The following LRPPRC variants were observed in gnomAD, a reference collection of about 807,000 sequenced individuals.
LRPPRC encodes leucine rich pentatricopeptide repeat containing.
A neutral mutation model predicts 180.3 loss-of-function variants in LRPPRC; 120 were observed. The ratio of observed to expected loss-of-function variants is 0.67; its 90% CI spans 0.57 to 0.77. The LOEUF (loss-of-function observed/expected upper bound fraction) is 0.77. Among genes scored for constraint, LRPPRC ranks in the 30% least tolerant of loss-of-function variants. The pLI is 0.00. For synonymous variants in LRPPRC, 723 were observed against 600.0 expected (o/e 1.21, Z -3.00); for missense variants, 2,012 against 1,657.2 (o/e 1.21, Z -3.72).
chr2:43,990,781 A>G (rs970386239), intron 1 of LRPPRC, among the ~76,000 whole-genome samples: 1 of 151,716 alleles, frequency 6.6e-6, no homozygotes, highest in Non-Finnish European at 1.5e-5. Flanking sequence ...TGATAAATCT[A>G]CACTCACAGA....
intron 31 of LRPPRC, chr2:43,903,434 G>A (rs1236289011): frequency 2.6e-5 from 4 of 152,186 alleles, no homozygotes; most frequent in African/African-American, 2.4e-5. Context: ...GCAGAACAAC[G>A]GAAGGGAATT....
intron 15 of LRPPRC, 72 bp from the exon 16 acceptor site, chr2:43,949,731 T>C: frequency 9.6e-7 from 1 of 1,037,562 alleles, no homozygotes; most frequent in Non-Finnish European, 1.5e-6. Flanking sequence ...GAAATTGAAT[T>C]CTTGAAATAA....
At chr2:43,921,922 T>G (rs1558944464) in intron 27 of LRPPRC, among the ~76,000 whole-genome samples, 1 of 152,216 alleles carries the variant, frequency 6.6e-6, no homozygotes, top group Admixed American at 6.5e-5. Flanking sequence ...ATTACAAATG[T>G]AAGGCAGTTT....
Position 43,967,394 on chromosome 2 carries a change from T to C in LRPPRC, c.1370-3688A>G, listed in dbSNP as rs558988009. 1.5e-4 allele frequency among the ~76,000 whole-genome samples: 11 copies of C among 75,714 alleles called. 1 individual carries two copies. Among genetic ancestry groups the C allele is most frequent in the East Asian group, 5.8e-4 (3 of 5,162 alleles). The allele number at this position is 75,714 out of a possible 152,430, so 49.7% of individuals were successfully genotyped here. A position where few individuals can be genotyped will look rare whatever the true frequency, so the allele number is the denominator to read the frequency against. ...GTTTATCATATAGATAGATGATCGA[T>C]TGATAGAAAGACAGATATAGATTTA... On this transcript the variant is annotated intron_variant, in intron 11 of 37. Transcript: ENST00000260665.
In LRPPRC at chr2:43,974,225, T is replaced by G. The variant is rs1268125096; in HGVS notation, c.1080A>C (p.Ala360=). The G allele has an allele frequency of 6.2e-7, 1 of 1,611,322 alleles. No individual in the cohort carries two copies. Among genetic ancestry groups the G allele is most frequent in the Non-Finnish European group, 8.5e-7 (1 of 1,177,530 alleles). Residue 360 remains alanine (A), a synonymous_variant, in exon 9 of 38, where the codon GCA becomes GCC. Transcript: ENST00000260665. ...GGCCATCTTCCTTTGATACGGGGCA[T>G]GCTAGTAAAATTTGCAACGCTACAT... ...LEDVALQILL[A]CPVSKEDGPS...
chr2:43,938,208 C>G (rs992783207), intron 23 of LRPPRC, among the ~76,000 whole-genome samples: 1 of 151,818 alleles, frequency 6.6e-6, no homozygotes, highest in Admixed American at 6.6e-5. Context: ...TCAAGACACC[C>G]CCCTCAAAAT....
At chr2:43,936,353 A>G (rs997807399) in intron 23 of LRPPRC, among the ~76,000 whole-genome samples, 6 of 152,246 alleles carry the variant, frequency 3.9e-5, no homozygotes, top group Non-Finnish European at 7.3e-5. Flanking sequence ...ATTTGGAATA[A>G]GAAATTAACG....
At chr2:43,905,204 T>C (rs1304447568) in intron 31 of LRPPRC, among the ~76,000 whole-genome samples, 1 of 152,252 alleles carries the variant, frequency 6.6e-6, no homozygotes, top group East Asian at 1.9e-4. Flanking sequence ...TAAAAATCAA[T>C]ATTATAATCA....
Position 43,949,683 on chromosome 2 carries a change from AT to A in LRPPRC, c.1678-25del, listed in dbSNP as rs1394157636. The A allele has an allele frequency of 1.9e-6, 3 of 1,547,306 alleles. No homozygotes were observed. In the African/African-American group the frequency reaches 4.1e-5, roughly 21 times the overall value. ...ATCTGGTAAGACAGAAAATTCGTGC[AT>A]TGCAGCAAGAGAAGCAAACAAGAAC... is the stretch of plus-strand genomic sequence containing the variant. On this transcript the variant is annotated intron_variant, in intron 15 of 37. Coordinates refer to ENST00000260665, the MANE Select transcript of LRPPRC (RefSeq NM_133259.4).
At chr2:43,908,815 C>T (rs2105006562) in intron 30 of LRPPRC, among the ~76,000 whole-genome samples, 1 of 152,350 alleles carries the variant, frequency 6.6e-6, no homozygotes, top group South Asian at 2.1e-4. Flanking sequence ...CCACGAACCA[C>T]TGAGCCACCA....
intron 22 of LRPPRC, 139 bp downstream of exon 22, chr2:43,945,193 C>G: frequency 1.5e-6 from 1 of 670,506 alleles, no homozygotes. Flanking sequence ...CCATGTAGCT[C>G]TGGTTGGATT....
At chr2:43,928,247 A>C (rs1309884227) in intron 25 of LRPPRC, among the ~76,000 whole-genome samples, 1 of 152,208 alleles carries the variant, frequency 6.6e-6, no homozygotes, top group Non-Finnish European at 1.5e-5. Flanking sequence ...GTCAAAAATA[A>C]CTGTCATTAC....
chr2:43,970,796 T>C (rs1673770269), intron 11 of LRPPRC, among the ~76,000 whole-genome samples: 1 of 152,214 alleles, frequency 6.6e-6, no homozygotes, highest in Non-Finnish European at 1.5e-5. Context: ...AGGCAACTGC[T>C]TCCTCTTTGA....
At chr2:43,951,104 A>G (rs1177330104) in intron 14 of LRPPRC, among the ~76,000 whole-genome samples, 3 of 152,208 alleles carry the variant, frequency 2.0e-5, no homozygotes, top group Non-Finnish European at 4.4e-5. Flanking sequence ...TGTAATGGGA[A>G]AAACAGTTAC....
In LRPPRC at chr2:43,950,986, C is replaced by CA. The variant is rs1672880214; in HGVS notation, c.1650-387_1650-386insT. ...TCGGGAGGCTGAGGCAGGAGAATTGCCTGAACCCGGGAAGCGGAGGTTGCA... is the reference window on the plus strand; with the variant it reads ...TCGGGAGGCTGAGGCAGGAGAATTGCACTGAACCCGGGAAGCGGAGGTTGCA... On this transcript the variant is annotated intron_variant, in intron 14 of 37. Coordinates refer to ENST00000260665, the MANE Select transcript of LRPPRC (RefSeq NM_133259.4). Among the ~76,000 whole-genome samples the CA allele has an allele frequency of 3.3e-5, 5 of 152,168 alleles. No homozygotes were observed. In the South Asian group the frequency reaches 1.0e-3, roughly 32 times the overall value.
chr2:43,931,846 T>C (rs188785698), intron 25 of LRPPRC, among the ~76,000 whole-genome samples: 5 of 152,220 alleles, frequency 3.3e-5, no homozygotes, highest in East Asian at 1.9e-4. Flanking sequence ...GCAAAGGTGA[T>C]TGATAGCATT....
At chr2:43,950,439 C>G in intron 15 of LRPPRC, 134 bp downstream of exon 15, 1 of 763,600 alleles carries the variant, frequency 1.3e-6, no homozygotes, top group Non-Finnish European at 2.3e-6. Flanking sequence ...TATTATTTTT[C>G]AACATTAACT....
At position 43,962,629 on chromosome 2, in the gene LRPPRC, TCA is replaced by T. The variant is rs1673395820; in HGVS notation, c.1488+957_1488+958del. Among the ~76,000 whole-genome samples, 5 of 152,248 alleles carry T rather than the reference TCA, an allele frequency of 3.3e-5. No individual in the cohort carries two copies. In the East Asian group the frequency reaches 9.6e-4, roughly 29 times the overall value. On this transcript the variant is annotated intron_variant, in intron 12 of 37. Transcript: ENST00000260665. Reference sequence around the variant, plus strand: ...TTGCTAATCCAATGCACTGTCCCAATCAACATCTTCATGTGCCTCTTCATCAA... The same window carrying T: ...TTGCTAATCCAATGCACTGTCCCAATACATCTTCATGTGCCTCTTCATCAA...
At chr2:43,889,626 G>T in intron 37 of LRPPRC, 108 bp downstream of exon 37, 1 of 962,636 alleles carries the variant, frequency 1.0e-6, no homozygotes, top group Non-Finnish European at 1.7e-6. Context: ...TCTTCACAGA[G>T]ATCTAATCCT....
Sources: allele counts gnomAD v4.1 joint callset (sites outside exome capture counted in the v4.1 genomes callset), GRCh38; gene constraint gnomAD v4.1.1; transcripts MANE v1.5; gene names NCBI Gene and HGNC (gene_info 2026-07-23, HGNC 2026-07-21).